The following DPP6 variants were observed in gnomAD, a reference collection of about 807,000 sequenced individuals.
The protein encoded by DPP6 is A-type potassium channel modulatory protein DPP6.
In DPP6, 69 loss-of-function variants were observed where a neutral mutation model predicts 122.6. The observed-to-expected ratio is 0.56, with a 90% CI of 0.46 to 0.69. DPP6 has a LOEUF of 0.69. Among genes scored for constraint, DPP6 ranks in the 30% least tolerant of loss-of-function variants. DPP6 has a pLI of 0.00. For synonymous variants in DPP6, 418 were observed against 433.1 expected (o/e 0.97, Z 0.43); for missense variants, 928 against 1,116.9 (o/e 0.83, Z 2.41).
intron 1 of DPP6, among the ~76,000 whole-genome samples, chr7:154,126,491 C>T (rs1231617296): frequency 2.6e-5 from 4 of 151,582 alleles, no homozygotes; most frequent in African/African-American, 9.7e-5. Context: ...GTCGTTTTTC[C>T]TTACACAACA....
chr7:154,186,780 A>ATTATTCATTCT lies in DPP6; in HGVS notation c.243+133718_243+133728dup, dbSNP rs1471858200. ...AATTACTCGGTTGTCTCAATTCTGAATTATTCATTCTGTTTTTAATGGTAG... is the reference window on the plus strand; with the variant it reads ...AATTACTCGGTTGTCTCAATTCTGAATTATTCATTCTTTATTCATTCTGTTTTTAATGGTAG... On this transcript the variant is annotated intron_variant, in intron 1 of 25. Coordinates refer to ENST00000377770, the MANE Select transcript of DPP6 (RefSeq NM_130797.4). Among the ~76,000 whole-genome samples, 7 of 152,382 alleles carry ATTATTCATTCT rather than the reference A, an allele frequency of 4.6e-5. No homozygotes were observed. The East Asian group carries it at 1.3e-3, about 29-fold the overall frequency.
intron 1 of DPP6, among the ~76,000 whole-genome samples, chr7:154,350,158 C>T (rs1162229761): frequency 1.3e-5 from 2 of 152,168 alleles, no homozygotes. Flanking sequence ...GTGGAGAAGA[C>T]TTCACCCTAT....
chr7:154,280,445 C>A (rs1429941340), intron 1 of DPP6, among the ~76,000 whole-genome samples: 4 of 152,170 alleles, frequency 2.6e-5, no homozygotes, highest in African/African-American at 9.7e-5. Context: ...GAACCTGCAG[C>A]CTCCCCCTTC....
intron 7 of DPP6, among the ~76,000 whole-genome samples, chr7:154,670,885 A>G (rs939342119): frequency 1.3e-5 from 2 of 152,200 alleles, no homozygotes; most frequent in African/African-American, 4.8e-5. Context: ...CGGTGAAACT[A>G]TTAATATTTT....
Position 154,764,878 on chromosome 7 carries a change from G to A in DPP6, c.884-4539G>A, listed in dbSNP as rs559374069. On this transcript the variant is annotated intron_variant, in intron 8 of 25. Transcript: ENST00000377770. ...ACCTCCAATTCCTCAGTTGTAAAGG[G>A]GCACTTAATATAAGCTTGTAGGTGC... 4.9e-4 allele frequency among the ~76,000 whole-genome samples: 75 copies of A among 152,212 alleles called. 1 individual carries two copies. Among genetic ancestry groups the A allele is most frequent in the African/African-American group, 1.8e-3 (74 of 41,504 alleles).
rs1563249260 is a variant in DPP6, at chr7:154,821,661, TATAC to T, written c.1666+14551_1666+14554del. Among the ~76,000 whole-genome samples, 476 of 129,472 alleles carry T rather than the reference TATAC, an allele frequency of 3.7e-3. 4 individuals are homozygous for T. The highest frequency in any genetic ancestry group is 0.013 in the African/African-American group (444 of 33,240). 84.9% of individuals were successfully genotyped at this position (129,472 alleles called of 152,430 possible). The stretch of plus-strand genomic sequence containing the variant: ...ATATATATATACACATATATATATA[TATAC>T]ACATATATATATACACACACATATA... On this transcript the variant is annotated intron_variant, in intron 16 of 25. Coordinates refer to ENST00000377770, the MANE Select transcript of DPP6 (RefSeq NM_130797.4). This position sits in a 1 kb window ranked among gnomAD's most constrained non-coding sequence, Gnocchi z 4.2.
intron 1 of DPP6, among the ~76,000 whole-genome samples, chr7:153,979,312 A>G (rs1234151466): frequency 6.6e-6 from 1 of 152,278 alleles, no homozygotes; most frequent in Non-Finnish European, 1.5e-5. Flanking sequence ...AGCAATTGTG[A>G]ATGGGAGTTC....
the DPP6 span, among the ~76,000 whole-genome samples, chr7:153,758,434 G>A: frequency 6.6e-6 from 1 of 151,650 alleles, no homozygotes; most frequent in African/African-American, 2.4e-5. Flanking sequence ...GTGCATACCC[G>A]TGAAAACGCC....
At chr7:154,034,695 T>C (rs146503975) in intron 1 of DPP6, among the ~76,000 whole-genome samples, 6,619 of 152,216 alleles carry the variant, frequency 0.043, 244 homozygotes, top group African/African-American at 0.093. Context: ...TTTGTGATTA[T>C]CAAGTTGTTC....
At chr7:153,749,507 C>T in the DPP6 span, among the ~76,000 whole-genome samples, 2 of 152,176 alleles carry the variant, frequency 1.3e-5, no homozygotes, top group East Asian at 3.9e-4. The surrounding 1 kb of genome is among the most constrained non-coding windows in gnomAD (Gnocchi z 4.1). Context: ...TTTAATGGAG[C>T]GATGCGTGCC....
the DPP6 span, among the ~76,000 whole-genome samples, chr7:153,858,570 C>T: frequency 2.0e-5 from 3 of 152,174 alleles, no homozygotes; most frequent in African/African-American, 2.4e-5. Flanking sequence ...TTGTGTACCT[C>T]ATGTGCTGGG....
chr7:154,662,730 G>C (rs1416247527), intron 6 of DPP6, among the ~76,000 whole-genome samples: 2 of 77,758 alleles, frequency 2.6e-5, no homozygotes, highest in African/African-American at 4.4e-5. Flanking sequence ...ATGGCATATT[G>C]GCCGTAGTGT....
chr7:154,627,977 G>C (rs1835189175), intron 5 of DPP6, among the ~76,000 whole-genome samples: 1 of 152,238 alleles, frequency 6.6e-6, no homozygotes, highest in South Asian at 2.1e-4. Context: ...GGTTCAGGCA[G>C]CTGTAGCCAA....
the DPP6 span, among the ~76,000 whole-genome samples, chr7:153,858,389 G>A: frequency 7.9e-5 from 12 of 152,334 alleles, no homozygotes; most frequent in African/African-American, 1.9e-4. Flanking sequence ...AAACAGAGAC[G>A]CTAGTAACGG....
intron 4 of DPP6, among the ~76,000 whole-genome samples, chr7:154,543,617 A>T (rs1828905298): frequency 6.6e-6 from 1 of 152,178 alleles, no homozygotes; most frequent in South Asian, 2.1e-4. Context: ...CTTTTGACTA[A>T]ATTTACTAAT....
chr7:154,877,922 G>A lies in DPP6; in HGVS notation c.2078+1822G>A, dbSNP rs1016292003. 3.9e-5 allele frequency among the ~76,000 whole-genome samples: 6 copies of A among 152,160 alleles called. No homozygotes were observed. The highest frequency in any genetic ancestry group is 7.3e-5 in the Non-Finnish European group (5 of 68,034). On this transcript the variant is annotated intron_variant, in intron 20 of 25. Coordinates refer to ENST00000377770, the MANE Select transcript of DPP6 (RefSeq NM_130797.4). This position sits in a 1 kb window ranked among gnomAD's most constrained non-coding sequence, Gnocchi z 5.2. ...GGTGGGTGGCTGCTGGGTCAGCAGC[G>A]GGCAGTGCCAGCCACAGAGGACTCC...
intron 7 of DPP6, among the ~76,000 whole-genome samples, chr7:154,691,710 T>C (rs1398345170): frequency 6.6e-6 from 1 of 152,038 alleles, no homozygotes; most frequent in Non-Finnish European, 1.5e-5. Flanking sequence ...TCCCAGCTAC[T>C]CAGGAAGCTG....
intron 3 of DPP6, among the ~76,000 whole-genome samples, chr7:154,477,260 C>G (rs1586392026): frequency 7.8e-6 from 1 of 127,914 alleles, no homozygotes; most frequent in Non-Finnish European, 1.7e-5. Flanking sequence ...TCTCCCACCA[C>G]CACCACCAGC....
chr7:154,113,901 T>C (rs1293764988), intron 1 of DPP6, among the ~76,000 whole-genome samples: 2 of 152,208 alleles, frequency 1.3e-5, no homozygotes, highest in African/African-American at 2.4e-5. Flanking sequence ...GCTTTTCCTT[T>C]AAGATCAGGA....
Sources: gnomAD v4.1 joint callset for allele counts (sites outside exome capture counted in the v4.1 genomes callset) on GRCh38, gnomAD v4.1.1 for gene constraint, Gnocchi (gnomAD v3.1) non-coding constraint, MANE v1.5 for transcripts, NCBI Gene and HGNC (gene_info 2026-07-23, HGNC 2026-07-21) for gene names.